Variants in TMC7 observed in about 807,000 individuals in gnomAD.
TMC7 encodes transmembrane channel-like protein 7.
Under a neutral mutation model 82.9 loss-of-function variants are expected in TMC7, and 54 were observed. That is an observed-to-expected ratio of 0.65 (90% CI 0.52 to 0.82). TMC7 has a LOEUF of 0.82. Among genes scored for constraint, TMC7 ranks in the 40% least tolerant of loss-of-function variants. TMC7 has a pLI of 0.00. For synonymous variants in TMC7, 350 were observed against 337.9 expected (o/e 1.04, Z -0.39); for missense variants, 820 against 901.2 (o/e 0.91, Z 1.15).
chr16:19,055,430 TCACTGCAA>T (rs1961725989), intron 13 of TMC7, among the ~76,000 whole-genome samples: 2 of 152,168 alleles, frequency 1.3e-5, no homozygotes, highest in African/African-American at 2.4e-5. Flanking sequence ...CGATCTCGGC[TCACTGCAA>T]TCTCCACTTC....
At chr16:19,027,060 C>T (rs982878450) in intron 5 of TMC7, among the ~76,000 whole-genome samples, 2 of 44,228 alleles carry the variant, frequency 4.5e-5, no homozygotes, top group Non-Finnish European at 1.1e-4. Flanking sequence ...CCACACCTGA[C>T]CTTTTTTTTT....
chr16:19,040,158 T>G, intron 8 of TMC7, 131 bp from the exon 9 acceptor site: 1 of 628,854 alleles, frequency 1.6e-6, no homozygotes, highest in Non-Finnish European at 2.6e-6. Context: ...TGACTTATGC[T>G]TACAGGCCAT....
At chr16:18,988,355 A>G (rs1423250924) in intron 1 of TMC7, among the ~76,000 whole-genome samples, 2 of 149,886 alleles carry the variant, frequency 1.3e-5, no homozygotes, top group Non-Finnish European at 3.0e-5. Flanking sequence ...ATACTTCACC[A>G]TGTTGGCCAG....
chr16:19,001,401 C>T (rs778733101), intron 1 of TMC7, among the ~76,000 whole-genome samples: 25 of 152,134 alleles, frequency 1.6e-4, no homozygotes, highest in Non-Finnish European at 3.5e-4. Context: ...ACAGAGTAGG[C>T]TGAGTGTGGT....
intron 14 of TMC7, among the ~76,000 whole-genome samples, 200 bp downstream of exon 14, chr16:19,056,897 G>A (rs1213267318): frequency 6.6e-6 from 1 of 152,070 alleles, no homozygotes; most frequent in Non-Finnish European, 1.5e-5. Flanking sequence ...GGCTGAGGCG[G>A]GCAGATCACT....
At chr16:19,034,622 A>ATAAG (rs1960663013) in intron 6 of TMC7, among the ~76,000 whole-genome samples, 1 of 151,692 alleles carries the variant, frequency 6.6e-6, no homozygotes, top group African/African-American at 2.4e-5. Flanking sequence ...AAGTAAATAA[A>ATAAG]TAAATAAATA....
At chr16:19,018,550 A>G (rs569046643) in intron 3 of TMC7, among the ~76,000 whole-genome samples, 1 of 152,140 alleles carries the variant, frequency 6.6e-6, no homozygotes, top group Non-Finnish European at 1.5e-5. Context: ...TCCAAATACC[A>G]TGACACTGGG....
chr16:18,984,242 G>A, intron 1 of TMC7, 112 bp downstream of exon 1: 1 of 1,345,008 alleles, frequency 7.4e-7, no homozygotes, highest in Admixed American at 4.0e-5. Context: ...CACCCCCGAC[G>A]CCGGGTGCTC....
intron 15 of TMC7, 113 bp downstream of exon 15, chr16:19,059,607 C>T: frequency 6.3e-7 from 1 of 1,596,224 alleles, no homozygotes; most frequent in Non-Finnish European, 8.5e-7. Context: ...TCTCTCACCA[C>T]CACCTCCCCA....
At chr16:19,023,998 A>G (rs539662532) in intron 5 of TMC7, among the ~76,000 whole-genome samples, 2 of 152,320 alleles carry the variant, frequency 1.3e-5, no homozygotes, top group African/African-American at 2.4e-5. Context: ...TATCATGTAC[A>G]TGGGCGTATG....
At chr16:19,036,491 G>A (rs1267210774) in intron 7 of TMC7, among the ~76,000 whole-genome samples, 2 of 151,624 alleles carry the variant, frequency 1.3e-5, no homozygotes, top group Non-Finnish European at 2.9e-5. Context: ...CTGGGTGACA[G>A]AGCGAGACTC....
In TMC7 at chr16:19,000,678, T is replaced by C. The variant is rs200892009; in HGVS notation, c.68-8494T>C. Among the ~76,000 whole-genome samples the C allele has an allele frequency of 2.6e-5, 4 of 152,160 alleles. No homozygotes were observed. In the East Asian group the frequency reaches 5.8e-4, roughly 22 times the overall value. ...CCTGAAATAGGAAGAATGTGATATA[T>C]GGTCAACATCCCAGTCAATATTTTT... On this transcript the variant is annotated intron_variant, in intron 1 of 15. Coordinates refer to ENST00000304381, the MANE Select transcript of TMC7 (RefSeq NM_024847.4).
intron 1 of TMC7, among the ~76,000 whole-genome samples, chr16:18,994,656 A>G (rs370121445): frequency 3.3e-4 from 50 of 152,062 alleles, no homozygotes; most frequent in African/African-American, 1.2e-3. Flanking sequence ...GGAGGGAGGT[A>G]TTGAGGATAG....
At chr16:19,016,183 G>A (rs540481435) in intron 2 of TMC7, among the ~76,000 whole-genome samples, 2 of 151,920 alleles carry the variant, frequency 1.3e-5, no homozygotes, top group East Asian at 1.9e-4. Context: ...CGCAACCTCC[G>A]CCTCCCAGAG....
At chr16:19,037,770 G>C in intron 7 of TMC7, 104 bp from the exon 8 acceptor site, 1 of 1,285,568 alleles carries the variant, frequency 7.8e-7, no homozygotes, top group South Asian at 1.5e-5. Flanking sequence ...ACCATGCCTG[G>C]CTAGAACTCT....
At chr16:19,054,552 C>T (rs1961681030) in intron 13 of TMC7, among the ~76,000 whole-genome samples, 1 of 151,946 alleles carries the variant, frequency 6.6e-6, no homozygotes, top group South Asian at 2.1e-4. Context: ...CCTGTCTCTA[C>T]TAAAAATACA....
chr16:19,051,834 T>A lies in TMC7; in HGVS notation c.1871+18T>A. 3.1e-6 allele frequency: 5 copies of A among 1,613,528 alleles called. No individual in the cohort carries two copies. The highest frequency in any genetic ancestry group is 3.4e-6 in the Non-Finnish European group (4 of 1,179,506). ...ATATCACGGTAAATGTGACTTTGTT[T>A]TCTAGAACATTTCATTGCTTCTTGA... On this transcript the variant is annotated intron_variant, in intron 13 of 15. Transcript: ENST00000304381.
rs377265197 is a variant in TMC7, at chr16:19,047,158, G to A, written c.1649G>A (p.Gly550Glu). Residue 550 changes from glycine to glutamate, a missense_variant, in exon 12 of 16, where the codon GGG becomes GAG. Physicochemically the swap from Gly to Glu is moderately conservative, Grantham distance 98. Transcript: ENST00000304381. ...GATAACGTCCTGGGGATAGTTTACG[G>A]GCAAACCATCTGCTGGATCGGAGCC... ...IPDNVLGIVY[G>E]QTICWIGAFF... 3 of 1,613,976 alleles carry A rather than the reference G, an allele frequency of 1.9e-6. No individual in the cohort carries two copies. The highest frequency in any genetic ancestry group is 2.2e-5 in the South Asian group (2 of 91,068).
chr16:18,997,586 TCTC>T (rs1286799943), intron 1 of TMC7, among the ~76,000 whole-genome samples: 1 of 151,652 alleles, frequency 6.6e-6, no homozygotes, highest in African/African-American at 2.4e-5. Flanking sequence ...GCCAGGCTGG[TCTC>T]CAACTCCTGA....
Sources: gnomAD v4.1 joint callset for allele counts (sites outside exome capture counted in the v4.1 genomes callset) on GRCh38, gnomAD v4.1.1 for gene constraint, MANE v1.5 for transcripts, NCBI Gene and HGNC (gene_info 2026-07-23, HGNC 2026-07-21) for gene names.